The following RFX3 variants were observed in gnomAD, a reference collection of about 807,000 sequenced individuals.
The protein encoded by RFX3 is regulatory factor X3.
Under a neutral mutation model 98.6 loss-of-function variants are expected in RFX3, and 14 were observed. That is an observed-to-expected ratio of 0.14 (90% confidence interval 0.09 to 0.22). RFX3 has a LOEUF of 0.22. RFX3 is among the 10% of genes least tolerant of loss of function. The pLI, the probability that RFX3 is intolerant of heterozygous loss-of-function variation, is 1.00. For synonymous variants in RFX3, 383 were observed against 328.4 expected, an observed-to-expected ratio of 1.17 and a Z score of -1.80; for missense variants, 639 against 926.9, an observed-to-expected ratio of 0.69 and a Z score of 4.03.
rs963630265 is a variant in RFX3 at position 3,330,478 on chromosome 9, G to A, written c.255C>T (p.Tyr85=). 6.8e-6 allele frequency: 11 copies of A among 1,613,832 alleles called. No homozygotes were observed. Among genetic ancestry groups the A allele is most frequent in the African/African-American group, 4.0e-5 (3 of 74,882 alleles). The change falls in exon 4 of 17, where the codon TAC becomes TAT. Residue 85 remains tyrosine (Y), a synonymous_variant. Transcript: ENST00000617270. The stretch of plus-strand genomic sequence containing the variant: ...AGTAATTCCCTCCAGTATTTTGGCT[G>A]TACATCTGTGTCTCTGTGTAAGGAT... ...TTYPYTETQM[Y]SQNTGGNYFD...
chr9:3,520,860 T>A (rs1487337057), intron 1 of RFX3, among the ~76,000 whole-genome samples: 1 of 152,192 alleles, frequency 6.6e-6, no homozygotes, highest in Non-Finnish European at 1.5e-5. Flanking sequence ...TACTTTTTTT[T>A]ACAGAAATGA....
chr9:3,424,784 T>G (rs774792752), intron 1 of RFX3, among the ~76,000 whole-genome samples: 2 of 152,210 alleles, frequency 1.3e-5, no homozygotes, highest in Admixed American at 1.3e-4. Context: ...AATTGGTATA[T>G]CTCTAAAATT....
At chr9:3,229,532 G>C (rs1003932440) in intron 15 of RFX3, among the ~76,000 whole-genome samples, 6 of 152,156 alleles carry the variant, frequency 3.9e-5, no homozygotes, top group East Asian at 1.9e-4. Flanking sequence ...CTTCGGCTTA[G>C]ACATTATTTT....
intron 16 of RFX3, among the ~76,000 whole-genome samples, chr9:3,226,425 G>C (rs1817778139): frequency 6.6e-6 from 1 of 152,154 alleles, no homozygotes; most frequent in Non-Finnish European, 1.5e-5. Context: ...AGAGGTAAAA[G>C]GGCTTCCATA....
intron 1 of RFX3, among the ~76,000 whole-genome samples, chr9:3,486,261 G>A (rs1007822319): frequency 2.0e-5 from 3 of 151,802 alleles, no homozygotes; most frequent in Middle Eastern, 3.4e-3. Flanking sequence ...CCAGAGCCCA[G>A]TGAACTTTTA....
chr9:3,355,353 A>G (rs1473661810), intron 2 of RFX3, among the ~76,000 whole-genome samples: 1 of 151,892 alleles, frequency 6.6e-6, no homozygotes, highest in Non-Finnish European at 1.5e-5. Flanking sequence ...TAAAAATAAA[A>G]GGATATAAAG....
intron 1 of RFX3, among the ~76,000 whole-genome samples, chr9:3,405,243 A>G (rs1587540596): frequency 6.6e-6 from 1 of 152,240 alleles, no homozygotes; most frequent in Admixed American, 6.5e-5. Flanking sequence ...AAAAGAGTTG[A>G]GCTGGGGTGT....
chr9:3,448,641 C>G (rs369453613), intron 1 of RFX3, among the ~76,000 whole-genome samples: 2 of 152,168 alleles, frequency 1.3e-5, no homozygotes, highest in South Asian at 4.2e-4. Flanking sequence ...GCCTCAGCCT[C>G]CCAAGTAGCT....
intron 1 of RFX3, among the ~76,000 whole-genome samples, chr9:3,502,432 T>C (rs1816128064): frequency 6.6e-6 from 1 of 152,180 alleles, no homozygotes. Flanking sequence ...CCACATCATA[T>C]TATGAATGCC....
chr9:3,234,858 G>C (rs1418854849), intron 15 of RFX3, among the ~76,000 whole-genome samples: 1 of 152,164 alleles, frequency 6.6e-6, no homozygotes, highest in Non-Finnish European at 1.5e-5. Flanking sequence ...GGTATATAAG[G>C]ACTTGGGTCA....
At chr9:3,305,223 G>C (rs1829140978) in intron 4 of RFX3, among the ~76,000 whole-genome samples, 1 of 152,008 alleles carries the variant, frequency 6.6e-6, no homozygotes. Flanking sequence ...GTATATATGG[G>C]AGTGGTATGA....
chr9:3,474,090 C>G (rs933229880), intron 1 of RFX3, among the ~76,000 whole-genome samples: 3 of 152,044 alleles, frequency 2.0e-5, no homozygotes, highest in Non-Finnish European at 4.4e-5. Flanking sequence ...GGCTGGGAAC[C>G]ACACTTTGAG....
chr9:3,372,767 G>A (rs1229201061), intron 2 of RFX3, among the ~76,000 whole-genome samples: 1 of 151,878 alleles, frequency 6.6e-6, no homozygotes, highest in South Asian at 2.1e-4. Context: ...TGTGTTTTTA[G>A]TAGAGATAGG....
chr9:3,510,809 T>A (rs1408208493), intron 1 of RFX3, among the ~76,000 whole-genome samples: 1 of 152,062 alleles, frequency 6.6e-6, no homozygotes, highest in African/African-American at 2.4e-5. Context: ...TCATTAAACT[T>A]TATACTGGTG....
chr9:3,354,334 G>C (rs1250531484), intron 2 of RFX3, among the ~76,000 whole-genome samples: 1 of 151,838 alleles, frequency 6.6e-6, no homozygotes, highest in Non-Finnish European at 1.5e-5. Context: ...ACTGAGGCCA[G>C]AAATTTAAGC....
At chr9:3,425,049 C>CA (rs1287270825) in intron 1 of RFX3, among the ~76,000 whole-genome samples, 1 of 152,040 alleles carries the variant, frequency 6.6e-6, no homozygotes, top group Non-Finnish European at 1.5e-5. Context: ...GGGCAACAGG[C>CA]AAAACCCTGT....
At chr9:3,276,339 C>T (rs1825222048) in intron 8 of RFX3, among the ~76,000 whole-genome samples, 1 of 152,088 alleles carries the variant, frequency 6.6e-6, no homozygotes, top group Non-Finnish European at 1.5e-5. Context: ...GTAAGTCTCT[C>T]TGTGTTCTTT....
chr9:3,340,159 T>C (rs899940985), intron 3 of RFX3, among the ~76,000 whole-genome samples: 1 of 152,208 alleles, frequency 6.6e-6, no homozygotes, highest in Admixed American at 6.5e-5. Flanking sequence ...GGGAAAGGAT[T>C]CCCTATTTAA....
chr9:3,285,701 T>C (rs1826501257), intron 7 of RFX3, among the ~76,000 whole-genome samples: 1 of 151,676 alleles, frequency 6.6e-6, no homozygotes, highest in Admixed American at 6.6e-5. Context: ...ACACAACAAA[T>C]TAAAGGAAGT....
Sources: gnomAD v4.1 joint callset for allele counts (sites outside exome capture counted in the v4.1 genomes callset) on GRCh38, gnomAD v4.1.1 for gene constraint, MANE v1.5 for transcripts, NCBI Gene and HGNC (gene_info 2026-07-23, HGNC 2026-07-21) for gene names.